TBC1D21: variants seen among roughly 807,000 people sequenced by gnomAD.
The protein encoded by TBC1D21 is male germ cell Rab GTPase-activating protein.
A neutral mutation model predicts 46.0 loss-of-function variants in TBC1D21; 38 were observed. The ratio of observed to expected loss-of-function variants is 0.83; its 90% CI spans 0.64 to 1.08. TBC1D21 has a LOEUF of 1.08. TBC1D21 is among the 50% of genes least tolerant of loss of function. The pLI is 0.00. For synonymous variants in TBC1D21, 151 were observed against 157.2 expected, an observed-to-expected ratio of 0.96 and a Z score of 0.29; for missense variants, 415 against 417.9, an observed-to-expected ratio of 0.99 and a Z score of 0.06.
chr15:73,896,752 C>G, the TBC1D21 span, among the ~76,000 whole-genome samples: 1 of 152,172 alleles, frequency 6.6e-6, no homozygotes, highest in Admixed American at 6.5e-5. Context: ...TCCAGTTTAA[C>G]TCAGTAAGTG....
intron 1 of TBC1D21, among the ~76,000 whole-genome samples, chr15:73,875,157 G>A (rs2068036476): frequency 6.6e-6 from 1 of 151,960 alleles, no homozygotes; most frequent in Non-Finnish European, 1.5e-5. Context: ...ACTGAGGCAG[G>A]AGAATCACTT....
intron 1 of TBC1D21, among the ~76,000 whole-genome samples, chr15:73,880,935 T>C (rs2068142912): frequency 6.6e-6 from 1 of 152,194 alleles, no homozygotes; most frequent in South Asian, 2.1e-4. Context: ...TTATGTGGGG[T>C]ATTATTATAA....
Position 73,886,288 on chromosome 15 carries a change from G to T in TBC1D21, c.676+114G>T, listed in dbSNP as rs563502705. On this transcript the variant is annotated intron_variant, in intron 7 of 10. Coordinates refer to ENST00000300504, the MANE Select transcript of TBC1D21 (RefSeq NM_153356.3). The stretch of plus-strand genomic sequence containing the variant: ...GGGCTGGAGAGCAGCAGAATCATTT[G>T]ATTGCTTCTCCAGGCCCTGGGAAGA... The T allele has an allele frequency of 1.5e-4, 150 of 1,004,060 alleles. No homozygotes were observed. The South Asian group carries it at 2.1e-3, about 14-fold the overall frequency. The allele number at this position is 1,004,060 out of a possible 1,614,324, so 62.2% of individuals were successfully genotyped here. A position where few individuals can be genotyped will look rare whatever the true frequency, so the allele number is the denominator to read the frequency against.
At chr15:73,878,162 A>G (rs910348415) in intron 1 of TBC1D21, among the ~76,000 whole-genome samples, 1 of 152,250 alleles carries the variant, frequency 6.6e-6, no homozygotes, top group Non-Finnish European at 1.5e-5. Flanking sequence ...CATCTATGTC[A>G]GAGTTGGCAA....
chr15:73,886,259 G>T, intron 7 of TBC1D21, 85 bp downstream of exon 7: 1 of 1,196,302 alleles, frequency 8.4e-7, no homozygotes. Context: ...CCCTAATCAT[G>T]GGGGGGCTGG....
the TBC1D21 span, chr15:73,908,333 C>T: frequency 6.6e-6 from 1 of 152,394 alleles, no homozygotes; most frequent in Non-Finnish European, 1.5e-5. Flanking sequence ...TTTGTGAGTG[C>T]ACTGCAGGCC....
At chr15:73,874,770 A>T (rs1051917967) in intron 1 of TBC1D21, among the ~76,000 whole-genome samples, 2 of 152,188 alleles carry the variant, frequency 1.3e-5, no homozygotes, top group South Asian at 4.1e-4. Context: ...GTTTTTTGTA[A>T]CTCATCCCTC....
At chr15:73,887,533 G>A in intron 8 of TBC1D21, 87 bp from the exon 9 acceptor site, 5 of 1,123,186 alleles carry the variant, frequency 4.5e-6, no homozygotes, top group Non-Finnish European at 2.7e-6. Flanking sequence ...GCTGACTCCA[G>A]GCACGTGGTT....
At chr15:73,884,603 A>G (rs1327286315) in intron 4 of TBC1D21, among the ~76,000 whole-genome samples, 178 bp from the exon 5 acceptor site, 3 of 152,166 alleles carry the variant, frequency 2.0e-5, no homozygotes, top group Admixed American at 6.5e-5. Flanking sequence ...GGGAAGAAAC[A>G]CAGACAGCTC....
the TBC1D21 span, among the ~76,000 whole-genome samples, chr15:73,897,932 ACTC>A: frequency 0.12 from 17,613 of 151,262 alleles, 1,321 homozygotes; most frequent in South Asian, 0.21. Context: ...CGCCGCCTCT[ACTC>A]CTCCTTTCCT....
chr15:73,879,966 G>A (rs146988832), intron 1 of TBC1D21, among the ~76,000 whole-genome samples: 29 of 150,986 alleles, frequency 1.9e-4, no homozygotes, highest in East Asian at 1.2e-3. Context: ...GTGAGATCTC[G>A]GCTGACTGCA....
the TBC1D21 span, among the ~76,000 whole-genome samples, chr15:73,906,801 C>G: frequency 3.3e-4 from 50 of 152,254 alleles, no homozygotes; most frequent in African/African-American, 1.1e-3. Flanking sequence ...TTTTTTGGAT[C>G]TGAGTTGTGC....
chr15:73,909,507 G>C, the TBC1D21 span, among the ~76,000 whole-genome samples: 1 of 152,222 alleles, frequency 6.6e-6, no homozygotes, highest in Non-Finnish European at 1.5e-5. Context: ...AGTTTCATCA[G>C]GGCCTCTGCA....
intron 6 of TBC1D21, 86 bp from the exon 7 acceptor site, chr15:73,885,992 G>T: frequency 8.9e-7 from 1 of 1,120,502 alleles, no homozygotes; most frequent in African/African-American, 1.5e-5. Context: ...AGAGCCTCCA[G>T]AAGTGAAGCT....
At chr15:73,876,241 T>G (rs2068065289) in intron 1 of TBC1D21, among the ~76,000 whole-genome samples, 1 of 115,038 alleles carries the variant, frequency 8.7e-6, no homozygotes, top group African/African-American at 3.7e-5. Context: ...TTTTTTTTTT[T>G]TTTTGAGACG....
At chr15:73,907,249 C>A in the TBC1D21 span, among the ~76,000 whole-genome samples, 4 of 152,218 alleles carry the variant, frequency 2.6e-5, no homozygotes, top group African/African-American at 9.7e-5. Context: ...TAGAAATCAG[C>A]CACAAACTGT....
At chr15:73,898,277 C>G in the TBC1D21 span, among the ~76,000 whole-genome samples, 2 of 152,214 alleles carry the variant, frequency 1.3e-5, no homozygotes, top group African/African-American at 4.8e-5. Context: ...CAGGGCAGGT[C>G]ATTAGGCCAG....
At chr15:73,899,533 G>T in the TBC1D21 span, among the ~76,000 whole-genome samples, 2 of 152,176 alleles carry the variant, frequency 1.3e-5, no homozygotes, top group African/African-American at 4.8e-5. Flanking sequence ...ATAGTGGAAA[G>T]GAGAGAGTAA....
At chr15:73,875,248 A>G (rs1342510431) in intron 1 of TBC1D21, among the ~76,000 whole-genome samples, 2 of 35,872 alleles carry the variant, frequency 5.6e-5, no homozygotes, top group African/African-American at 8.5e-5. Context: ...GACTCCATCA[A>G]AAAAAAAAAA....
Sources: allele counts gnomAD v4.1 joint callset (sites outside exome capture counted in the v4.1 genomes callset), GRCh38; gene constraint gnomAD v4.1.1; transcripts MANE v1.5; gene names NCBI Gene and HGNC (gene_info 2026-07-23, HGNC 2026-07-21).